The following SPINK4 variants were observed in gnomAD, a reference collection of about 807,000 sequenced individuals.
SPINK4 encodes the protein serine protease inhibitor Kazal-type 4.
SPINK4 carries 10 observed loss-of-function variants against 12.3 expected under a neutral mutation model. The ratio of observed to expected loss-of-function variants is 0.81; its 90% confidence interval spans 0.50 to 1.37. The LOEUF (loss-of-function observed/expected upper bound fraction) is 1.37. SPINK4 is among the 40% of genes most tolerant of loss of function. The pLI is 0.00. For missense variants in SPINK4, 91 were observed against 109.0 expected, an observed-to-expected ratio of 0.84 and a Z score of 0.73; for synonymous variants, 37 against 40.2, an observed-to-expected ratio of 0.92 and a Z score of 0.30.
At chr9:33,242,711 G>A (rs1045041758) in intron 1 of SPINK4, among the ~76,000 whole-genome samples, 2 of 152,156 alleles carry the variant, frequency 1.3e-5, no homozygotes, top group East Asian at 1.9e-4. Flanking sequence ...CTTATCACTC[G>A]ATGAATCTTG....
At chr9:33,246,812 TCTTC>T in intron 3 of SPINK4, 84 bp downstream of exon 3, 1 of 1,170,640 alleles carries the variant, frequency 8.5e-7, no homozygotes, top group Non-Finnish European at 1.3e-6. Context: ...TTGACCTGCT[TCTTC>T]CTTCATACAC....
Position 33,246,563 on chromosome 9 carries a change from C to T in SPINK4, c.103-53C>T, listed in dbSNP as rs1820286980. 4.7e-6 allele frequency: 7 copies of T among 1,503,036 alleles called. No individual in the cohort carries two copies. In the South Asian group the frequency reaches 7.9e-5, roughly 17 times the overall value. 93.1% of individuals were successfully genotyped at this position (1,503,036 alleles called of 1,614,324 possible). ...TGGTTCCGAGCAGAACCCCTGTATC[C>T]CTCCCCACTGCCTCTGAATCCCTGA... On this transcript the variant is annotated intron_variant, in intron 2 of 3. Transcript: ENST00000379721.
At chr9:33,244,865 TCTAA>T (rs1025249224) in intron 1 of SPINK4, among the ~76,000 whole-genome samples, 9 of 152,292 alleles carry the variant, frequency 5.9e-5, no homozygotes, top group African/African-American at 1.9e-4. Context: ...TCCAGTGGGA[TCTAA>T]CTAACAAGGA....
chr9:33,240,343 C>T, intron 1 of SPINK4, 74 bp downstream of exon 1: 2 of 1,369,154 alleles, frequency 1.5e-6, no homozygotes, highest in Admixed American at 2.4e-5. Flanking sequence ...AGAAGCAGGG[C>T]CTGGAGCACC....
intron 3 of SPINK4, 51 bp downstream of exon 3, chr9:33,246,779 GCA>G (rs755855082): frequency 6.5e-7 from 1 of 1,536,456 alleles, no homozygotes; most frequent in South Asian, 1.1e-5. Flanking sequence ...CATCTCTGGT[GCA>G]CAGTCTGAAA....
intron 2 of SPINK4, among the ~76,000 whole-genome samples, chr9:33,245,842 GC>G (rs1564074047): frequency 6.6e-6 from 1 of 152,132 alleles, no homozygotes; most frequent in Non-Finnish European, 1.5e-5. Flanking sequence ...TGAGAGAAAC[GC>G]CACTATTATA....
intron 1 of SPINK4, among the ~76,000 whole-genome samples, chr9:33,244,896 C>T (rs1482097188): frequency 1.3e-5 from 2 of 152,146 alleles, no homozygotes; most frequent in Non-Finnish European, 2.9e-5. Context: ...TGGACTGTCA[C>T]CTTCCTAATT....
intron 2 of SPINK4, among the ~76,000 whole-genome samples, chr9:33,246,208 G>C (rs747036414): frequency 2.6e-5 from 4 of 151,272 alleles, no homozygotes; most frequent in Admixed American, 1.3e-4. Flanking sequence ...TGGGAATGAT[G>C]GGTGGTTCCG....
intron 1 of SPINK4, among the ~76,000 whole-genome samples, chr9:33,242,560 A>G (rs1286677658): frequency 5.9e-5 from 9 of 152,088 alleles, no homozygotes; most frequent in Admixed American, 5.2e-4. Flanking sequence ...GGGTCAGCTT[A>G]CGCAGTACCC....
chr9:33,245,210 A>G, intron 2 of SPINK4, 58 bp downstream of exon 2: 1 of 1,550,576 alleles, frequency 6.4e-7, no homozygotes, highest in Non-Finnish European at 8.8e-7. Flanking sequence ...CCTCTCGTCC[A>G]TGCTGAGAAA....
rs762502472 is a variant in SPINK4 at position 33,246,724 on chromosome 9, C to G, written c.211C>G (p.Arg71Gly). The change falls in exon 3 of 4, where the codon CGG becomes GGG. Residue 71 changes from arginine (R) to glycine (G), a missense_variant. Arg to Gly is a moderately radical substitution (Grantham distance 125). Transcript: ENST00000379721. ...YTNECQLCLA[R>G]IKTKQDIQIM... ...GAATGAATGCCAGCTCTGCTTGGCC[C>G]GGATGTAAGTCTGCCCCACAACCCC... 5 of 1,613,668 alleles carry G rather than the reference C, an allele frequency of 3.1e-6. No homozygotes were observed. Among genetic ancestry groups the G allele is most frequent in the Non-Finnish European group, 4.2e-6 (5 of 1,179,892 alleles).
intron 1 of SPINK4, 30 bp downstream of exon 1, chr9:33,240,299 G>A (rs775876172): frequency 3.8e-6 from 6 of 1,574,726 alleles, no homozygotes; most frequent in Non-Finnish European, 5.2e-6. Flanking sequence ...ATTCTCTGTG[G>A]CTTTGTGTTG....
chr9:33,245,868 G>C (rs987635873), intron 2 of SPINK4, among the ~76,000 whole-genome samples: 1 of 152,176 alleles, frequency 6.6e-6, no homozygotes, highest in African/African-American at 2.4e-5. Context: ...TTACAGATGA[G>C]GAAACTGAGA....
intron 2 of SPINK4, 133 bp downstream of exon 2, chr9:33,245,285 C>T (rs950993809): frequency 1.1e-6 from 1 of 911,532 alleles, no homozygotes. Flanking sequence ...CCAAGGTGGC[C>T]TCCTGGCCTG....
At chr9:33,244,427 T>C (rs1820267065) in intron 1 of SPINK4, among the ~76,000 whole-genome samples, 1 of 152,028 alleles carries the variant, frequency 6.6e-6, no homozygotes, top group South Asian at 2.1e-4. Flanking sequence ...TTCATGGGAG[T>C]AACATCCATG....
chr9:33,243,331 C>T (rs1175314323), intron 1 of SPINK4, among the ~76,000 whole-genome samples: 2 of 152,074 alleles, frequency 1.3e-5, no homozygotes, highest in African/African-American at 4.8e-5. Flanking sequence ...CCTCAGCTTC[C>T]CAAAGCGCTG....
intron 3 of SPINK4, 52 bp from the exon 4 acceptor site, chr9:33,248,374 T>G (rs920923035): frequency 1.2e-6 from 2 of 1,603,650 alleles, no homozygotes; most frequent in African/African-American, 2.7e-5. Flanking sequence ...CCCTGAATGG[T>G]ACACTACAGC....
intron 2 of SPINK4, among the ~76,000 whole-genome samples, 182 bp from the exon 3 acceptor site, chr9:33,246,434 G>A (rs939862026): frequency 1.4e-4 from 22 of 152,232 alleles, no homozygotes; most frequent in African/African-American, 4.8e-4. Context: ...TCATGCACAC[G>A]CACATACAAG....
At chr9:33,240,376 A>G (rs1308790465) in intron 1 of SPINK4, 107 bp downstream of exon 1, 5 of 971,246 alleles carry the variant, frequency 5.1e-6, no homozygotes, top group Non-Finnish European at 5.9e-6. Context: ...AGCTTTTTCC[A>G]TGTACCTTCA....
Sources: gnomAD v4.1 joint callset for allele counts (sites outside exome capture counted in the v4.1 genomes callset) on GRCh38, gnomAD v4.1.1 for gene constraint, MANE v1.5 for transcripts, NCBI Gene and HGNC (gene_info 2026-07-23, HGNC 2026-07-21) for gene names.